The following INPP4B variants were observed in gnomAD, a reference collection of about 807,000 sequenced individuals.
The protein encoded by INPP4B is inositol polyphosphate 4-phosphatase type II.
In INPP4B, 55 loss-of-function variants were observed where a neutral mutation model predicts 122.5. That is an observed-to-expected ratio of 0.45 (90% CI 0.36 to 0.56). INPP4B has a LOEUF of 0.56. Ranked by LOEUF, INPP4B falls within the 20% of genes least tolerant of loss-of-function variation. The pLI is 0.00. For synonymous variants in INPP4B, 403 were observed against 388.7 expected, an observed-to-expected ratio of 1.04 and a Z score of -0.43; for missense variants, 1,000 against 1,097.7, an observed-to-expected ratio of 0.91 and a Z score of 1.26.
At chr4:142,734,228 G>A (rs1260439568) in intron 1 of INPP4B, among the ~76,000 whole-genome samples, 1 of 152,172 alleles carries the variant, frequency 6.6e-6, no homozygotes, top group Non-Finnish European at 1.5e-5. Context: ...GGAAGATACT[G>A]TCTGCAAGTC....
chr4:142,738,008 G>T (rs1767241538), intron 1 of INPP4B, among the ~76,000 whole-genome samples: 1 of 152,214 alleles, frequency 6.6e-6, no homozygotes, highest in African/African-American at 2.4e-5. Flanking sequence ...CACACTGTTG[G>T]TGGGACTGTA....
At chr4:142,504,044 T>G (rs1002811899) in intron 2 of INPP4B, among the ~76,000 whole-genome samples, 1 of 152,048 alleles carries the variant, frequency 6.6e-6, no homozygotes, top group Non-Finnish European at 1.5e-5. Context: ...TGGAATCCCA[T>G]AACTTATACA....
chr4:142,647,035 A>G (rs1751935631), intron 2 of INPP4B, among the ~76,000 whole-genome samples: 2 of 152,222 alleles, frequency 1.3e-5, no homozygotes, highest in Admixed American at 1.3e-4. Flanking sequence ...GTGGATAAAA[A>G]TTTTTGTATA....
At chr4:142,106,193 C>T (rs1228674580) in intron 23 of INPP4B, among the ~76,000 whole-genome samples, 1 of 152,116 alleles carries the variant, frequency 6.6e-6, no homozygotes, top group Non-Finnish European at 1.5e-5. Context: ...TACAAAATTC[C>T]GTCTTGTTTG....
intron 1 of INPP4B, among the ~76,000 whole-genome samples, chr4:142,780,106 C>T (rs1774574618): frequency 6.6e-6 from 1 of 152,114 alleles, no homozygotes; most frequent in Non-Finnish European, 1.5e-5. Context: ...CAACTTCTGC[C>T]ACCTCAATGA....
intron 2 of INPP4B, among the ~76,000 whole-genome samples, chr4:142,630,607 C>A (rs1304387953): frequency 2.8e-5 from 3 of 107,562 alleles, no homozygotes; most frequent in Non-Finnish European, 6.5e-5. Flanking sequence ...CATTTTAAGT[C>A]TTTTCAGAGC....
chr4:142,193,236 A>C, intron 14 of INPP4B, 41 bp from the exon 15 acceptor site: 1 of 1,134,574 alleles, frequency 8.8e-7, no homozygotes, highest in Non-Finnish European at 1.3e-6. Context: ...CTTTGCAAAC[A>C]TTTATCTCCG....
chr4:142,715,513 C>T lies in INPP4B; in HGVS notation c.-191+10326G>A, dbSNP rs534577460. On this transcript the variant is annotated intron_variant, in intron 2 of 25. Coordinates refer to ENST00000262992, the MANE Select transcript of INPP4B (RefSeq NM_001101669.3). ...TGGGGATCTCCAACCCCATTTTCAT[C>T]CAAGAATAGCATATCACAAAGTCAG... Among the ~76,000 whole-genome samples, 11 of 152,232 alleles carry T rather than the reference C, an allele frequency of 7.2e-5. No homozygotes were observed. The South Asian group carries it at 2.1e-3, about 29-fold the overall frequency.
intron 7 of INPP4B, among the ~76,000 whole-genome samples, chr4:142,315,490 G>A (rs905246208): frequency 2.0e-5 from 3 of 151,932 alleles, no homozygotes; most frequent in Non-Finnish European, 2.9e-5. Context: ...ATCTTCAACT[G>A]AGTGGTGATT....
chr4:142,596,869 T>C (rs1220572985), intron 2 of INPP4B, among the ~76,000 whole-genome samples: 2 of 152,218 alleles, frequency 1.3e-5, no homozygotes, highest in Non-Finnish European at 2.9e-5. Context: ...CATGCTCATA[T>C]CCCTGCAGGC....
At chr4:142,131,941 G>C (rs1261395919) in intron 18 of INPP4B, among the ~76,000 whole-genome samples, 1 of 150,718 alleles carries the variant, frequency 6.6e-6, no homozygotes, top group Non-Finnish European at 1.5e-5. Context: ...GGCAACAAGA[G>C]TGAAACTTTG....
At chr4:142,143,821 A>C (rs528359035) in intron 18 of INPP4B, among the ~76,000 whole-genome samples, 1 of 152,160 alleles carries the variant, frequency 6.6e-6, no homozygotes, top group Admixed American at 6.5e-5. Flanking sequence ...TATTTTGATG[A>C]ATTCGTTTAC....
chr4:142,432,649 C>A (rs568912484), intron 3 of INPP4B, among the ~76,000 whole-genome samples: 1 of 152,042 alleles, frequency 6.6e-6, no homozygotes. Context: ...ACATTCATAG[C>A]ACCACGTTCT....
intron 21 of INPP4B, among the ~76,000 whole-genome samples, chr4:142,116,760 G>A (rs12642756): frequency 0.13 from 19,071 of 151,968 alleles, 1,371 homozygotes; most frequent in East Asian, 0.24. Flanking sequence ...AACTTGAGAA[G>A]CAAGAGCAAA....
chr4:142,030,968 T>A (rs1319830381), intron 25 of INPP4B, among the ~76,000 whole-genome samples: 3 of 152,088 alleles, frequency 2.0e-5, no homozygotes, highest in African/African-American at 7.2e-5. Context: ...CAAATCTATC[T>A]CCTATGGACA....
At chr4:142,770,347 T>G (rs560792298) in intron 1 of INPP4B, among the ~76,000 whole-genome samples, 1 of 152,250 alleles carries the variant, frequency 6.6e-6, no homozygotes, top group South Asian at 2.1e-4. Context: ...CATTTAATCA[T>G]GTTAATATAA....
At chr4:142,103,152 C>T (rs139993407) in intron 23 of INPP4B, among the ~76,000 whole-genome samples, 50 of 152,156 alleles carry the variant, frequency 3.3e-4, no homozygotes, top group African/African-American at 1.0e-3. Context: ...CCAATAGCTT[C>T]ACTTTCATCC....
At chr4:142,258,018 G>A (rs1737353887) in intron 11 of INPP4B, among the ~76,000 whole-genome samples, 1 of 152,016 alleles carries the variant, frequency 6.6e-6, no homozygotes, top group Non-Finnish European at 1.5e-5. Context: ...TAGATCAATG[G>A]AACAGAACAG....
At chr4:142,620,170 C>T (rs1338847678) in intron 2 of INPP4B, among the ~76,000 whole-genome samples, 3 of 151,800 alleles carry the variant, frequency 2.0e-5, no homozygotes, top group Non-Finnish European at 1.5e-5. Flanking sequence ...CCTAAAGAAA[C>T]GTAAGTAGCT....
Sources: allele counts gnomAD v4.1 joint callset (sites outside exome capture counted in the v4.1 genomes callset), GRCh38; gene constraint gnomAD v4.1.1; transcripts MANE v1.5; gene names NCBI Gene and HGNC (gene_info 2026-07-23, HGNC 2026-07-21).